The following RGL1 variants were observed in gnomAD, a reference collection of about 807,000 sequenced individuals.
RGL1 encodes ral guanine nucleotide dissociation stimulator-like 1.
A neutral mutation model predicts 95.2 loss-of-function variants in RGL1; 24 were observed. The ratio of observed to expected loss-of-function variants is 0.25; its 90% CI spans 0.18 to 0.35. RGL1 has a LOEUF of 0.35. RGL1 is among the 10% of genes least tolerant of loss of function. The pLI is 1.00. For synonymous variants in RGL1, 329 were observed against 344.9 expected (o/e 0.95, Z 0.51); for missense variants, 715 against 936.3 (o/e 0.76, Z 3.08).
chr1:183,775,755 C>T (rs1340686190), intron 2 of RGL1, among the ~76,000 whole-genome samples: 1 of 152,130 alleles, frequency 6.6e-6, no homozygotes, highest in African/African-American at 2.4e-5. Flanking sequence ...ATAGCAAGGA[C>T]TTGATATTAT....
At chr1:183,741,462 G>A (rs1168566851) in intron 1 of RGL1, among the ~76,000 whole-genome samples, 4 of 152,150 alleles carry the variant, frequency 2.6e-5, no homozygotes, top group East Asian at 3.9e-4. Flanking sequence ...AACTGTTAGC[G>A]AAACCAAGGC....
intron 2 of RGL1, among the ~76,000 whole-genome samples, chr1:183,820,740 T>G (rs1361273569): frequency 5.3e-5 from 8 of 152,162 alleles, no homozygotes; most frequent in African/African-American, 1.9e-4. Flanking sequence ...AAAAATAATG[T>G]AAAATATCTC....
At chr1:183,849,844 C>A (rs1450116850) in intron 3 of RGL1, among the ~76,000 whole-genome samples, 3 of 152,116 alleles carry the variant, frequency 2.0e-5, no homozygotes, top group African/African-American at 7.2e-5. Flanking sequence ...GAATATATAT[C>A]TTCGGAATAG....
At chr1:183,734,167 C>T (rs939956776) in intron 1 of RGL1, among the ~76,000 whole-genome samples, 1 of 152,148 alleles carries the variant, frequency 6.6e-6, no homozygotes. Context: ...CAGATTTTTT[C>T]CCCTGTGAAT....
intron 4 of RGL1, among the ~76,000 whole-genome samples, chr1:183,872,271 C>T (rs1015300970): frequency 1.4e-4 from 21 of 152,140 alleles, no homozygotes; most frequent in African/African-American, 4.1e-4. Flanking sequence ...TTTTACAACA[C>T]GAATCTTCAT....
chr1:183,826,203 A>G (rs567949037), intron 2 of RGL1, among the ~76,000 whole-genome samples: 116 of 151,864 alleles, frequency 7.6e-4, no homozygotes, highest in African/African-American at 2.7e-3. Context: ...ACAGGCGCCC[A>G]CCACCACACC....
intron 3 of RGL1, among the ~76,000 whole-genome samples, chr1:183,849,506 T>G (rs1664688221): frequency 1.4e-5 from 2 of 140,052 alleles, no homozygotes; most frequent in African/African-American, 5.9e-5. Context: ...TTTTTTTTTT[T>G]GTTGAGATGG....
At chr1:183,750,438 G>A (rs757629928) in intron 2 of RGL1, among the ~76,000 whole-genome samples, 2 of 152,112 alleles carry the variant, frequency 1.3e-5, no homozygotes, top group African/African-American at 4.8e-5. Flanking sequence ...CTCTAAATTG[G>A]TTATTCTAGT....
At chr1:183,881,515 G>C (rs1666826207) in intron 5 of RGL1, among the ~76,000 whole-genome samples, 1 of 152,196 alleles carries the variant, frequency 6.6e-6, no homozygotes, top group South Asian at 2.1e-4. Flanking sequence ...AAAGAGGCTG[G>C]GACAGGCTTC....
chr1:183,840,050 T>C (rs2491438), intron 2 of RGL1, among the ~76,000 whole-genome samples: 23,988 of 152,072 alleles, frequency 0.16, 2,282 homozygotes, highest in East Asian at 0.28. Context: ...ATGAAACGGG[T>C]ATGATCTAAT....
intron 4 of RGL1, among the ~76,000 whole-genome samples, chr1:183,870,062 G>A (rs1016250701): frequency 1.3e-5 from 2 of 152,150 alleles, no homozygotes; most frequent in Admixed American, 6.5e-5. Flanking sequence ...GTATTGGTTC[G>A]AACCCTAAAA....
At chr1:183,803,987 G>C (rs569993078), upstream of RGL1, among the ~76,000 whole-genome samples, 2 of 152,166 alleles carry the variant, frequency 1.3e-5, no homozygotes, top group Non-Finnish European at 2.9e-5. Context: ...TTAGGTTCTG[G>C]TTGTATGGGG....
intron 8 of RGL1, among the ~76,000 whole-genome samples, chr1:183,889,730 A>G (rs746617204): frequency 6.6e-6 from 1 of 152,168 alleles, no homozygotes; most frequent in Non-Finnish European, 1.5e-5. Context: ...GTAAAAAGAA[A>G]AAAATAAAGT....
Position 183,662,020 on chromosome 1 carries a change from C to A in RGL1, c.-33+25519C>A, listed in dbSNP as rs1298767500. Among the ~76,000 whole-genome samples, 3 of 136,798 alleles carry A rather than the reference C, an allele frequency of 2.2e-5. No individual in the cohort carries two copies. The East Asian group carries it at 6.5e-4, about 30-fold the overall frequency. The allele number at this position is 136,798 out of a possible 152,430, so 89.7% of individuals were successfully genotyped here. ...TGACAAAATTCAACAACCTTTCATGCTAAAAACTCTCAATAAATTAGGTAT... is the reference window on the plus strand; with the variant it reads ...TGACAAAATTCAACAACCTTTCATGATAAAAACTCTCAATAAATTAGGTAT... On this transcript the variant is annotated intron_variant, in intron 1 of 18. Coordinates refer to the RGL1 transcript ENST00000304685.
chr1:183,711,864 T>C (rs1655294449), intron 1 of RGL1, among the ~76,000 whole-genome samples: 1 of 152,184 alleles, frequency 6.6e-6, no homozygotes, highest in African/African-American at 2.4e-5. Context: ...AGCAAATAGA[T>C]ACTATTACAA....
intron 2 of RGL1, among the ~76,000 whole-genome samples, chr1:183,770,929 T>C (rs191980336): frequency 2.0e-5 from 3 of 152,300 alleles, no homozygotes; most frequent in Admixed American, 1.3e-4. Flanking sequence ...TTAGAACCAC[T>C]CATCTCTACT....
rs572414118 is a variant in RGL1 at position 183,667,995 on chromosome 1, T to TTA, written c.-33+31502_-33+31503dup. On this transcript the variant is annotated intron_variant, in intron 1 of 18. Coordinates refer to the RGL1 transcript ENST00000304685. ...GCTGTGATTTATTTTACTTACATGC[T>TTA]TATATATATGTGTGTGTGTGTGTGT... 8.3e-3 allele frequency among the ~76,000 whole-genome samples: 749 copies of TTA among 89,780 alleles called. 6 individuals are homozygous for TTA. Among genetic ancestry groups the TTA allele is most frequent in the African/African-American group, 0.024 (706 of 29,136 alleles). 58.9% of individuals were successfully genotyped at this position (89,780 alleles called of 152,430 possible).
intron 14 of RGL1, among the ~76,000 whole-genome samples, chr1:183,910,592 C>T (rs1453486842): frequency 6.6e-6 from 1 of 152,212 alleles, no homozygotes; most frequent in East Asian, 1.9e-4. Context: ...TCCTCCTACA[C>T]ATACCTGGGG....
At chr1:183,861,833 C>T (rs1357823516) in intron 3 of RGL1, among the ~76,000 whole-genome samples, 1 of 152,162 alleles carries the variant, frequency 6.6e-6, no homozygotes, top group Non-Finnish European at 1.5e-5. Context: ...CACTCATACA[C>T]ACACTTTATT....
Sources: allele counts gnomAD v4.1 joint callset (sites outside exome capture counted in the v4.1 genomes callset), GRCh38; gene constraint gnomAD v4.1.1; transcripts MANE v1.5; gene names NCBI Gene and HGNC (gene_info 2026-07-23, HGNC 2026-07-21).